PHF14: variants seen among roughly 807,000 people sequenced by gnomAD.
PHF14 encodes the protein PHD finger protein 14.
Under a neutral mutation model 117.9 loss-of-function variants are expected in PHF14, and 55 were observed. The ratio of observed to expected loss-of-function variants is 0.47; its 90% CI spans 0.38 to 0.58. The LOEUF is 0.58. PHF14 is among the 20% of genes least tolerant of loss of function. The probability of loss-of-function intolerance (pLI) is 0.00; values close to 1 mark genes in which losing one functional copy is unlikely to be tolerated. For synonymous variants in PHF14, 409 were observed against 368.6 expected, an observed-to-expected ratio of 1.11 and a Z score of -1.26; for missense variants, 978 against 1,122.2, an observed-to-expected ratio of 0.87 and a Z score of 1.84.
chr7:11,117,570 A>G (rs1415922171), intron 17 of PHF14, among the ~76,000 whole-genome samples: 2 of 79,544 alleles, frequency 2.5e-5, no homozygotes, highest in Non-Finnish European at 5.4e-5. Context: ...AACTATGCCC[A>G]AACGATATAT....
At chr7:11,004,175 A>C (rs1348727981) in intron 4 of PHF14, among the ~76,000 whole-genome samples, 1 of 144,214 alleles carries the variant, frequency 6.9e-6, no homozygotes, top group Non-Finnish European at 1.5e-5. Context: ...TGAGCCAGGG[A>C]GTTCAAGGCT....
chr7:11,105,750 G>A, intron 16 of PHF14: 1 of 984,804 alleles, frequency 1.0e-6, no homozygotes, highest in Non-Finnish European at 1.2e-6. Flanking sequence ...AAGGCTTTCT[G>A]TAGGCCTGCC....
At chr7:11,086,037 CTT>C (rs1274861025) in intron 16 of PHF14, among the ~76,000 whole-genome samples, 1 of 152,112 alleles carries the variant, frequency 6.6e-6, no homozygotes, top group African/African-American at 2.4e-5. Context: ...GGATAATAAT[CTT>C]TTTTACCTCT....
rs1783518169 is a variant in PHF14, at chr7:11,015,882, A to C, written c.1205+1976A>C. 1.3e-5 allele frequency among the ~76,000 whole-genome samples: 2 copies of C among 151,102 alleles called. 1 individual carries two copies. Among genetic ancestry groups the C allele is most frequent in the African/African-American group, 4.9e-5 (2 of 41,050 alleles). On this transcript the variant is annotated intron_variant, in intron 5 of 17. Coordinates refer to ENST00000634607, the MANE Select transcript of PHF14 (RefSeq NM_001007157.2). ...TGAGAATTGAAATTTTTGGTGATAA[A>C]TTGTGGTGAATAAGTAAGGCAGTTT...
At chr7:11,083,038 C>T (rs1178041111) in intron 16 of PHF14, among the ~76,000 whole-genome samples, 1 of 152,188 alleles carries the variant, frequency 6.6e-6, no homozygotes, top group African/African-American at 2.4e-5. Flanking sequence ...TCTACCCCCT[C>T]TCCCCTCTCT....
chr7:11,073,217 C>G (rs987909147), intron 16 of PHF14, among the ~76,000 whole-genome samples: 1 of 152,128 alleles, frequency 6.6e-6, no homozygotes, highest in African/African-American at 2.4e-5. Flanking sequence ...TTACTGGGGA[C>G]TCAAGGCAAG....
intron 16 of PHF14, among the ~76,000 whole-genome samples, chr7:11,081,531 G>C (rs2128336338): frequency 6.6e-6 from 1 of 152,250 alleles, no homozygotes; most frequent in Middle Eastern, 3.4e-3. Context: ...TCCTGTGTGG[G>C]AAAACATTTA....
intron 17 of PHF14, among the ~76,000 whole-genome samples, chr7:11,123,821 C>A (rs1207222437): frequency 6.8e-6 from 1 of 147,810 alleles, no homozygotes; most frequent in Non-Finnish European, 1.5e-5. Flanking sequence ...TACACTCCAG[C>A]CTGGGTGAAT....
intron 5 of PHF14, among the ~76,000 whole-genome samples, chr7:11,014,530 A>G (rs948346773): frequency 4.6e-5 from 7 of 152,130 alleles, no homozygotes; most frequent in African/African-American, 1.4e-4. Flanking sequence ...TGAGAGGGCC[A>G]TGGAAAAATG....
intron 6 of PHF14, among the ~76,000 whole-genome samples, chr7:11,027,529 T>G (rs996757998): frequency 6.6e-5 from 10 of 152,084 alleles, no homozygotes; most frequent in African/African-American, 2.4e-4. Flanking sequence ...CCTTTTTCTT[T>G]TAAGAGATAG....
In PHF14 at chr7:10,974,247, T is replaced by G; in HGVS notation, c.-77T>G. ...TTCGGACTTGTCTTCGCGGCCCCAG[T>G]CCCCGACCTCGGCGCTGCCTGGGCT... On this transcript the variant is annotated 5_prime_UTR_variant, in exon 1 of 18. Transcript: ENST00000634607. 7.7e-7 allele frequency: 1 copy of G among 1,300,420 alleles called. No individual in the cohort carries two copies. The highest frequency in any genetic ancestry group is 1.1e-6 in the Non-Finnish European group (1 of 920,060). 80.6% of individuals were successfully genotyped at this position (1,300,420 alleles called of 1,614,324 possible).
intron 6 of PHF14, among the ~76,000 whole-genome samples, chr7:11,025,135 T>A (rs1783864291): frequency 6.6e-6 from 1 of 152,172 alleles, no homozygotes; most frequent in South Asian, 2.1e-4. Flanking sequence ...ACTGCAGATG[T>A]GGCAGAAATA....
At position 11,111,594 on chromosome 7, in the gene PHF14, T is replaced by A. The variant is rs181145158; in HGVS notation, c.2772+127T>A. ...AACCAACATTTTAACCAGTACACCT[T>A]AAGAATATATTGCTATGGTTATTTT... On this transcript the variant is annotated intron_variant, in intron 17 of 17. Coordinates refer to ENST00000634607, the MANE Select transcript of PHF14 (RefSeq NM_001007157.2). 7.5e-3 allele frequency: 4,111 copies of A among 545,590 alleles called. 31 individuals are homozygous for A. Among genetic ancestry groups the A allele is most frequent in the Admixed American group, 0.013 (403 of 30,488 alleles). The allele number at this position is 545,590 out of a possible 1,614,324, so 33.8% of individuals were successfully genotyped here.
intron 16 of PHF14, among the ~76,000 whole-genome samples, chr7:11,071,053 T>C (rs1583434727): frequency 6.6e-6 from 1 of 152,220 alleles, no homozygotes; most frequent in East Asian, 1.9e-4. Flanking sequence ...GATTAACTGA[T>C]AATCTTTATT....
chr7:10,974,063 C>G lies in PHF14; in HGVS notation c.-261C>G, dbSNP rs1000196414. On this transcript the variant is annotated 5_prime_UTR_variant, in exon 1 of 18. Coordinates refer to ENST00000634607, the MANE Select transcript of PHF14 (RefSeq NM_001007157.2). ...CGGGGCCGCCGGGTTGACTGCGCTGCCTGGGCCGGAGGTCTTCTCCGGCCA... is the reference window on the plus strand; with the variant it reads ...CGGGGCCGCCGGGTTGACTGCGCTGGCTGGGCCGGAGGTCTTCTCCGGCCA... 1.1e-5 allele frequency: 5 copies of G among 454,826 alleles called. No individual in the cohort carries two copies. The highest frequency in any genetic ancestry group is 1.0e-4 in the African/African-American group (5 of 49,844). 28.2% of individuals were successfully genotyped at this position (454,826 alleles called of 1,614,324 possible). A position where few individuals can be genotyped will look rare whatever the true frequency, so the allele number is the denominator to read the frequency against.
At position 10,974,049 on chromosome 7, in the gene PHF14, G is replaced by T. The variant is rs1781774027; in HGVS notation, c.-275G>T. ...AGAAATTAACTCCCCGGGGCCGCCG[G>T]GTTGACTGCGCTGCCTGGGCCGGAG... On this transcript the variant is annotated 5_prime_UTR_variant, in exon 1 of 18. Transcript: ENST00000634607. The T allele has an allele frequency of 7.1e-6, 3 of 423,936 alleles. No individual in the cohort carries two copies. The highest frequency in any genetic ancestry group is 1.3e-5 in the Non-Finnish European group (3 of 234,794). 26.3% of individuals were successfully genotyped at this position (423,936 alleles called of 1,614,324 possible). A position where few individuals can be genotyped will look rare whatever the true frequency, so the allele number is the denominator to read the frequency against.
At chr7:11,129,470 T>G (rs1288762814) in intron 17 of PHF14, among the ~76,000 whole-genome samples, 1 of 151,878 alleles carries the variant, frequency 6.6e-6, no homozygotes, top group East Asian at 1.9e-4. Context: ...AGTTGTCTCC[T>G]TCAGAATAAA....
In PHF14 at chr7:11,147,604, T is replaced by G. The variant is rs1049894887; in HGVS notation, c.2773-21812T>G. 2.0e-5 allele frequency among the ~76,000 whole-genome samples: 3 copies of G among 152,224 alleles called. No individual in the cohort carries two copies. In the South Asian group the frequency reaches 6.2e-4, roughly 32 times the overall value. On this transcript the variant is annotated intron_variant, in intron 17 of 17. Coordinates refer to ENST00000634607, the MANE Select transcript of PHF14 (RefSeq NM_001007157.2). ...TTTAACAATGTCAACCATTCTGTCT[T>G]TCTTGAAACATTTTCTTTTCTTGGT... is the stretch of plus-strand genomic sequence containing the variant.
chr7:11,006,640 T>G lies in PHF14; in HGVS notation c.1046-7107T>G, dbSNP rs116628363. On this transcript the variant is annotated intron_variant, in intron 4 of 17. Coordinates refer to ENST00000634607, the MANE Select transcript of PHF14 (RefSeq NM_001007157.2). ...GCAGACTCAGTGGTCAGCAGAAACT[T>G]GATGATGGTATAGTAGTCAAGCTTG... 2,510 of 617,554 alleles carry G rather than the reference T, an allele frequency of 4.1e-3. 30 individuals are homozygous for G. The African/African-American group carries it at 0.042, about 10-fold the overall frequency. The allele number at this position is 617,554 out of a possible 1,614,324, so 38.3% of individuals were successfully genotyped here. A position where few individuals can be genotyped will look rare whatever the true frequency, so the allele number is the denominator to read the frequency against.
Sources: gnomAD v4.1 joint callset for allele counts (sites outside exome capture counted in the v4.1 genomes callset) on GRCh38, gnomAD v4.1.1 for gene constraint, MANE v1.5 for transcripts, NCBI Gene and HGNC (gene_info 2026-07-23, HGNC 2026-07-21) for gene names.